TMC2: variants seen among roughly 807,000 people sequenced by gnomAD.
The protein encoded by TMC2 is transmembrane channel-like protein 2.
In TMC2, 102 loss-of-function variants were observed where a neutral mutation model predicts 105.9. The observed-to-expected ratio is 0.96, with a 90% CI of 0.82 to 1.14. The LOEUF (loss-of-function observed/expected upper bound fraction) is 1.14. Among genes scored for constraint, TMC2 ranks in the 50% most tolerant of loss-of-function variants. TMC2 has a pLI of 0.00. For synonymous variants in TMC2, 402 were observed against 422.8 expected (o/e 0.95, Z 0.60); for missense variants, 1,093 against 1,134.3 (o/e 0.96, Z 0.52).
chr20:2,605,878 G>C (rs753422652), intron 11 of TMC2, among the ~76,000 whole-genome samples: 2 of 152,186 alleles, frequency 1.3e-5, no homozygotes, highest in Non-Finnish European at 2.9e-5. Context: ...AGAAGGAAAA[G>C]GTGCTGTCCG....
At position 2,629,529 on chromosome 20, in the gene TMC2, T is replaced by TAAAAAAAAAAAAAA. The variant is rs56821075; in HGVS notation, c.2306+5138_2306+5151dup. Among the ~76,000 whole-genome samples the TAAAAAAAAAAAAAA allele has an allele frequency of 1.0e-4, 12 of 115,960 alleles. 1 individual carries two copies. Among genetic ancestry groups the TAAAAAAAAAAAAAA allele is most frequent in the East Asian group, 5.2e-4 (2 of 3,814 alleles). 76.1% of individuals were successfully genotyped at this position (115,960 alleles called of 152,430 possible). On this transcript the variant is annotated intron_variant, in intron 17 of 19. Transcript: ENST00000358864. The stretch of plus-strand genomic sequence containing the variant: ...TCTAATTATTGATTTCTTACAGAAG[T>TAAAAAAAAAAAAAA]AAAAAAAAAAAAAAAAAAGTGACCT...
chr20:2,633,142 A>T (rs192399849), intron 17 of TMC2, among the ~76,000 whole-genome samples: 2 of 152,218 alleles, frequency 1.3e-5, no homozygotes, highest in East Asian at 3.8e-4. Flanking sequence ...ATTTTCTTAC[A>T]TGTCTGGAAC....
chr20:2,638,974 C>T (rs1414255491), intron 19 of TMC2, among the ~76,000 whole-genome samples: 3 of 151,956 alleles, frequency 2.0e-5, no homozygotes, highest in African/African-American at 7.3e-5. Flanking sequence ...CGGCTCACTG[C>T]AGCCTCCACC....
chr20:2,590,803 A>G (rs1385640833), intron 7 of TMC2, among the ~76,000 whole-genome samples: 1 of 152,152 alleles, frequency 6.6e-6, no homozygotes, highest in East Asian at 1.9e-4. Context: ...AAACAAGTAT[A>G]TTGAGATGAC....
At chr20:2,636,385 A>T (rs2086642874) in intron 18 of TMC2, among the ~76,000 whole-genome samples, 1 of 151,742 alleles carries the variant, frequency 6.6e-6, no homozygotes, top group African/African-American at 2.4e-5. Flanking sequence ...AGCCTAAAAG[A>T]TCTCCTGAGT....
intron 17 of TMC2, among the ~76,000 whole-genome samples, chr20:2,629,404 G>A (rs2086587140): frequency 6.6e-6 from 1 of 151,644 alleles, no homozygotes; most frequent in African/African-American, 2.4e-5. Flanking sequence ...GGAGAGTTGA[G>A]ATAAGTATAT....
chr20:2,599,956 T>A (rs574156833), intron 10 of TMC2, among the ~76,000 whole-genome samples: 4 of 152,170 alleles, frequency 2.6e-5, no homozygotes, highest in Non-Finnish European at 4.4e-5. Context: ...GCTCAGCAAC[T>A]CACAGCATGG....
chr20:2,579,384 T>A (rs551869082), intron 6 of TMC2, among the ~76,000 whole-genome samples, 157 bp downstream of exon 6: 149 of 147,276 alleles, frequency 1.0e-3, no homozygotes, highest in African/African-American at 3.3e-3. Context: ...AAGATTTATT[T>A]TTTATTTATT....
At chr20:2,601,002 A>G (rs957754552) in intron 10 of TMC2, among the ~76,000 whole-genome samples, 22 of 151,772 alleles carry the variant, frequency 1.4e-4, no homozygotes, top group East Asian at 1.2e-3. Flanking sequence ...AAAAAAAAAA[A>G]AAAGAAAAAA....
rs372378619 is a variant in TMC2, at chr20:2,601,932, A to G, written c.1225-181A>G. On this transcript the variant is annotated intron_variant, in intron 10 of 19. Coordinates refer to ENST00000358864, the MANE Select transcript of TMC2 (RefSeq NM_080751.3). ...GTTTCTTACATGTACTGGAATAGCA[A>G]TAACAACAAACATATTTTTCTAAAG... Among the ~76,000 whole-genome samples, 3 of 152,364 alleles carry G rather than the reference A, an allele frequency of 2.0e-5. 1 individual carries two copies. The South Asian group carries it at 6.2e-4, about 32-fold the overall frequency.
chr20:2,587,367 G>A lies in TMC2; in HGVS notation c.835-4943G>A, dbSNP rs527714349. ...GCATTCTTGGAATAAACCCAACTAG[G>A]TTATTATGTATTATCTTTTTTATAT... On this transcript the variant is annotated intron_variant, in intron 7 of 19. Coordinates refer to ENST00000358864, the MANE Select transcript of TMC2 (RefSeq NM_080751.3). Among the ~76,000 whole-genome samples the A allele has an allele frequency of 8.6e-5, 13 of 151,986 alleles. No individual in the cohort carries two copies. The South Asian group carries it at 2.7e-3, about 32-fold the overall frequency.
rs1412777007 is a variant in TMC2, at chr20:2,537,326, G to A, written c.82+10G>A. The A allele has an allele frequency of 8.8e-6, 14 of 1,595,416 alleles. No homozygotes were observed. The highest frequency in any genetic ancestry group is 1.2e-5 in the Non-Finnish European group (14 of 1,170,856). ...GGCTCTCCACACACAGGTGAGATGG[G>A]GTGGTGGGGTCTCTGGGGAGCCTGC... is the stretch of plus-strand genomic sequence containing the variant. On this transcript the variant is annotated intron_variant, in intron 2 of 19. Transcript: ENST00000358864.
At chr20:2,543,034 T>G (rs187574390) in intron 2 of TMC2, among the ~76,000 whole-genome samples, 2 of 151,856 alleles carry the variant, frequency 1.3e-5, no homozygotes, top group East Asian at 3.9e-4. Flanking sequence ...GTCAGGAGTT[T>G]GAGACCAGCC....
intron 16 of TMC2, among the ~76,000 whole-genome samples, chr20:2,623,102 G>A (rs902042170): frequency 6.6e-6 from 1 of 152,012 alleles, no homozygotes; most frequent in Non-Finnish European, 1.5e-5. Context: ...CTAATCATAT[G>A]ACTATTAAGC....
chr20:2,545,236 G>A (rs953927806), intron 2 of TMC2, among the ~76,000 whole-genome samples: 2 of 151,902 alleles, frequency 1.3e-5, no homozygotes, highest in Non-Finnish European at 2.9e-5. Flanking sequence ...CATACATAAA[G>A]GCATGCATAC....
At position 2,641,116 on chromosome 20, in the gene TMC2, T is replaced by C. The variant is rs116939656; in HGVS notation, c.2504-18T>C. ...AAAATCTCCCACTTCCTCTTTCTTG[T>C]CTTGGTTCGTTTTCCAGAGACCACT... On this transcript the variant is annotated intron_variant, in intron 19 of 19. Transcript: ENST00000358864. 15,065 of 1,611,004 alleles carry C rather than the reference T, an allele frequency of 9.4e-3. 103 individuals carry two copies. Among genetic ancestry groups the C allele is most frequent in the Middle Eastern group, 0.026 (155 of 6,056 alleles).
At chr20:2,562,886 T>A (rs550213742) in intron 4 of TMC2, among the ~76,000 whole-genome samples, 1 of 151,466 alleles carries the variant, frequency 6.6e-6, no homozygotes, top group Admixed American at 6.6e-5. Flanking sequence ...ACAGAGGTTG[T>A]AGTGAGCCGA....
In TMC2 at chr20:2,617,305, C is replaced by G. The variant is rs760906834; in HGVS notation, c.2174C>G (p.Pro725Arg). The G allele has an allele frequency of 5.6e-6, 9 of 1,614,172 alleles. No individual in the cohort carries two copies. The South Asian group carries it at 9.9e-5, about 18-fold the overall frequency. The change falls in exon 16 of 20, where the codon CCG (proline) becomes CGG (arginine). Residue 725 changes from proline to arginine, a missense_variant. Coordinates refer to ENST00000358864, the MANE Select transcript of TMC2 (RefSeq NM_080751.3). ...CTCCCACCCTCCTTTGACTGCGGGC[C>G]GTTCAGGTGCAGAGTCTCAGTTGCC... ...MSLPPSFDCG[P>R]FSGKNRMYDV...
intron 2 of TMC2, among the ~76,000 whole-genome samples, chr20:2,556,740 G>A (rs1909209234): frequency 6.6e-6 from 1 of 152,156 alleles, no homozygotes; most frequent in Non-Finnish European, 1.5e-5. Flanking sequence ...GTTTCTAAAT[G>A]AAAATAAAAT....
Sources: gnomAD v4.1 joint callset for allele counts (sites outside exome capture counted in the v4.1 genomes callset) on GRCh38, gnomAD v4.1.1 for gene constraint, MANE v1.5 for transcripts, NCBI Gene and HGNC (gene_info 2026-07-23, HGNC 2026-07-21) for gene names.